The following CSMD1 variants were observed in gnomAD, a reference collection of about 807,000 sequenced individuals.
CSMD1 encodes CUB and sushi domain-containing protein 1.
In CSMD1, 213 loss-of-function variants were observed where a neutral mutation model predicts 417.5. The ratio of observed to expected loss-of-function variants is 0.51; its 90% CI spans 0.46 to 0.57. CSMD1 has a LOEUF of 0.57. Among genes scored for constraint, CSMD1 ranks in the 20% least tolerant of loss-of-function variants. The probability of loss-of-function intolerance (pLI) is 0.00; values close to 1 mark genes in which losing one functional copy is unlikely to be tolerated. For missense variants in CSMD1, 6,923 were observed against 4,529.7 expected, an observed-to-expected ratio of 1.53 and a Z score of -15.17; for synonymous variants, 2,862 against 1,736.8, an observed-to-expected ratio of 1.65 and a Z score of -16.11.
intron 12 of CSMD1, among the ~76,000 whole-genome samples, chr8:3,442,416 G>A (rs539539764): frequency 3.3e-5 from 5 of 152,238 alleles, no homozygotes; most frequent in Admixed American, 1.3e-4. Flanking sequence ...TTCATGGTAA[G>A]TACCTTATAC....
At chr8:3,630,136 C>T in intron 7 of CSMD1, among the ~76,000 whole-genome samples, 1 of 152,216 alleles carries the variant, frequency 6.6e-6, no homozygotes, top group Non-Finnish European at 1.5e-5. Context: ...TTTAGTTATT[C>T]AACATCCAGT....
intron 3 of CSMD1, among the ~76,000 whole-genome samples, chr8:4,335,913 A>C (rs1800140624): frequency 6.6e-6 from 1 of 152,070 alleles, no homozygotes; most frequent in African/African-American, 2.4e-5. Context: ...ATATGATCAA[A>C]AATAGTGAGG....
At chr8:3,143,509 G>A (rs919652265) in intron 40 of CSMD1, among the ~76,000 whole-genome samples, 2 of 152,172 alleles carry the variant, frequency 1.3e-5, no homozygotes, top group African/African-American at 4.8e-5. Flanking sequence ...AAAAATAATT[G>A]AGAGTTATTT....
intron 11 of CSMD1, among the ~76,000 whole-genome samples, chr8:3,490,917 A>G (rs1328037995): frequency 1.3e-5 from 2 of 152,152 alleles, no homozygotes; most frequent in Non-Finnish European, 2.9e-5. Flanking sequence ...AAGAGTCATT[A>G]TTTGGCAAGG....
chr8:4,593,713 G>A (rs1014734254), intron 2 of CSMD1, among the ~76,000 whole-genome samples: 7 of 152,064 alleles, frequency 4.6e-5, no homozygotes, highest in African/African-American at 7.2e-5. Context: ...TTGTATACCA[G>A]ATCTCTTAAT....
chr8:4,976,523 C>T (rs1443896120), intron 1 of CSMD1, among the ~76,000 whole-genome samples: 2 of 152,120 alleles, frequency 1.3e-5, no homozygotes, highest in African/African-American at 4.8e-5. Flanking sequence ...CTGTGGCATG[C>T]CTAGCATTCA....
intron 1 of CSMD1, among the ~76,000 whole-genome samples, chr8:4,979,852 A>G (rs1810777299): frequency 6.6e-6 from 1 of 152,100 alleles, no homozygotes; most frequent in African/African-American, 2.4e-5. Context: ...CCTGGCTAAC[A>G]CATTGAAACC....
intron 1 of CSMD1, among the ~76,000 whole-genome samples, chr8:4,699,325 A>C (rs1021223585): frequency 6.6e-6 from 1 of 152,182 alleles, no homozygotes; most frequent in Non-Finnish European, 1.5e-5. Flanking sequence ...ACTTCTCTTA[A>C]TACTGCATAA....
intron 3 of CSMD1, among the ~76,000 whole-genome samples, chr8:4,100,146 G>C (rs1051784466): frequency 5.9e-5 from 9 of 152,042 alleles, no homozygotes; most frequent in African/African-American, 2.2e-4. Context: ...CAATACCTTG[G>C]TTTTTATGTG....
chr8:3,682,491 G>C (rs1799716445), intron 7 of CSMD1, among the ~76,000 whole-genome samples: 1 of 152,156 alleles, frequency 6.6e-6, no homozygotes, highest in South Asian at 2.1e-4. Context: ...ACCACAATGA[G>C]ATACCATCTC....
chr8:3,837,354 C>G (rs1802779075), intron 5 of CSMD1, among the ~76,000 whole-genome samples: 1 of 152,108 alleles, frequency 6.6e-6, no homozygotes, highest in Non-Finnish European at 1.5e-5. Context: ...CAGGCTGGAG[C>G]TATATTAAGC....
At chr8:3,511,023 T>C (rs1169347533) in intron 10 of CSMD1, among the ~76,000 whole-genome samples, 1 of 151,826 alleles carries the variant, frequency 6.6e-6, no homozygotes, top group Non-Finnish European at 1.5e-5. Context: ...AACGTGGCAC[T>C]TATACACCAT....
chr8:3,073,933 G>A (rs73657556), intron 49 of CSMD1, among the ~76,000 whole-genome samples: 9 of 151,998 alleles, frequency 5.9e-5, no homozygotes, highest in Non-Finnish European at 8.8e-5. Flanking sequence ...TCTTTTTATT[G>A]CAACATAAAT....
chr8:3,214,821 G>T, intron 29 of CSMD1, 130 bp from the exon 30 acceptor site: 1 of 517,292 alleles, frequency 1.9e-6, no homozygotes, highest in Admixed American at 3.9e-5. Flanking sequence ...AGTAAGAAAT[G>T]CTCAAAGAAT....
In CSMD1 at chr8:3,985,024, C is replaced by A. The variant is rs139858742; in HGVS notation, c.818+12879G>T. Among the ~76,000 whole-genome samples, 737 of 152,110 alleles carry A rather than the reference C, an allele frequency of 4.8e-3. 3 individuals are homozygous for A. Among genetic ancestry groups the A allele is most frequent in the Non-Finnish European group, 8.0e-3 (545 of 68,004 alleles). Reference sequence around the variant, plus strand: ...AAATCACGGATCTCATAAGGTGGCTCTGACCACATTTTGATTACTGTGCTC... The same window carrying A: ...AAATCACGGATCTCATAAGGTGGCTATGACCACATTTTGATTACTGTGCTC... On this transcript the variant is annotated intron_variant, in intron 5 of 69. Transcript: ENST00000635120.
At chr8:3,129,113 G>A (rs1468770950) in intron 41 of CSMD1, among the ~76,000 whole-genome samples, 3 of 152,122 alleles carry the variant, frequency 2.0e-5, no homozygotes, top group East Asian at 1.9e-4. Flanking sequence ...AGAAACTAGA[G>A]GAGGCCCTGA....
chr8:3,878,338 C>G (rs1256809638), intron 5 of CSMD1, among the ~76,000 whole-genome samples: 2 of 152,106 alleles, frequency 1.3e-5, no homozygotes, highest in African/African-American at 4.8e-5. Context: ...TTAAAATATT[C>G]TTACACGTGT....
chr8:3,452,088 G>A (rs931650458), intron 12 of CSMD1, among the ~76,000 whole-genome samples: 1 of 152,106 alleles, frequency 6.6e-6, no homozygotes, highest in African/African-American at 2.4e-5. Flanking sequence ...ATTGTGAATG[G>A]GAGTTCACTC....
At chr8:3,098,473 C>T (rs1006228875) in intron 46 of CSMD1, among the ~76,000 whole-genome samples, 13 of 152,020 alleles carry the variant, frequency 8.6e-5, no homozygotes, top group Non-Finnish European at 2.9e-5. Flanking sequence ...ATAAGACCAC[C>T]AATCATAAAA....
Sources: gnomAD v4.1 joint callset for allele counts (sites outside exome capture counted in the v4.1 genomes callset) on GRCh38, gnomAD v4.1.1 for gene constraint, MANE v1.5 for transcripts, NCBI Gene and HGNC (gene_info 2026-07-23, HGNC 2026-07-21) for gene names.